Variants in BEND7 observed in about 807,000 individuals in gnomAD.
BEND7 encodes the protein BEN domain containing 7.
Under a neutral mutation model 50.9 loss-of-function variants are expected in BEND7, and 28 were observed. The ratio of observed to expected loss-of-function variants is 0.55; its 90% CI spans 0.41 to 0.75. The LOEUF is 0.75. Among genes scored for constraint, BEND7 ranks in the 30% least tolerant of loss-of-function variants. The pLI, the probability that BEND7 is intolerant of heterozygous loss-of-function variation, is 0.00. For synonymous variants in BEND7, 170 were observed against 183.9 expected, an observed-to-expected ratio of 0.92 and a Z score of 0.61; for missense variants, 477 against 491.3, an observed-to-expected ratio of 0.97 and a Z score of 0.28.
chr10:13,468,150 A>G (rs1424069549), intron 6 of BEND7, among the ~76,000 whole-genome samples: 3 of 152,184 alleles, frequency 2.0e-5, no homozygotes, highest in African/African-American at 7.2e-5. Context: ...CATCCTCCAT[A>G]GAAGTCATCA....
intron 2 of BEND7, among the ~76,000 whole-genome samples, chr10:13,523,084 TC>T (rs5783330): frequency 1.3e-5 from 2 of 152,330 alleles, no homozygotes; most frequent in African/African-American, 4.8e-5. Context: ...CCCTGTCCTA[TC>T]CATTTCTGTG....
intron 5 of BEND7, among the ~76,000 whole-genome samples, chr10:13,488,470 G>T (rs532805178): frequency 6.6e-6 from 1 of 151,954 alleles, no homozygotes; most frequent in Admixed American, 6.6e-5. Context: ...CATGAAGAAA[G>T]AATTAAATAC....
rs145734971 is a variant in BEND7, at chr10:13,512,062, C to T, written c.146-11982G>A. Among the ~76,000 whole-genome samples, 381 of 152,288 alleles carry T rather than the reference C, an allele frequency of 2.5e-3. 4 individuals carry two copies. The highest frequency in any genetic ancestry group is 8.8e-3 in the African/African-American group (367 of 41,560). On this transcript the variant is annotated intron_variant, in intron 2 of 8. Transcript: ENST00000466271. ...GGTGGAAACAAGGAAATCACTGGAC[C>T]AAACCATCTTTACAGATTCTGACTT...
chr10:13,509,957 G>A (rs1157086682), intron 2 of BEND7, among the ~76,000 whole-genome samples: 1 of 152,188 alleles, frequency 6.6e-6, no homozygotes, highest in East Asian at 1.9e-4. Context: ...TTACATTGTG[G>A]AAAGCAAAGT....
At chr10:13,511,366 G>C (rs1424683049) in intron 2 of BEND7, 1 of 152,110 alleles carries the variant, frequency 6.6e-6, no homozygotes, top group Non-Finnish European at 1.5e-5. Flanking sequence ...TTTAAAAAAT[G>C]GTTTCAAAAT....
intron 2 of BEND7, chr10:13,500,736 C>T (rs574740752): frequency 2.5e-4 from 250 of 985,544 alleles, no homozygotes; most frequent in South Asian, 5.2e-4. Context: ...GCATGGCAAG[C>T]GAGGGGGTTT....
At chr10:13,478,935 A>C (rs1276263259) in intron 6 of BEND7, among the ~76,000 whole-genome samples, 1 of 152,102 alleles carries the variant, frequency 6.6e-6, no homozygotes, top group African/African-American at 2.4e-5. Flanking sequence ...TTGGGAGCAA[A>C]GACCTCATTT....
intron 2 of BEND7, among the ~76,000 whole-genome samples, chr10:13,523,793 AATC>A: frequency 6.6e-6 from 1 of 152,330 alleles, no homozygotes; most frequent in South Asian, 2.1e-4. Flanking sequence ...TTGCTCCAGA[AATC>A]ATGTTGCTGT....
At chr10:13,458,140 A>G (rs905047246) in intron 6 of BEND7, among the ~76,000 whole-genome samples, 5 of 152,284 alleles carry the variant, frequency 3.3e-5, no homozygotes, top group Admixed American at 3.3e-4. Context: ...TGATCCGTCC[A>G]TGAATAATGA....
chr10:13,447,975 T>C (rs1372857908), intron 7 of BEND7, among the ~76,000 whole-genome samples: 1 of 152,080 alleles, frequency 6.6e-6, no homozygotes, highest in Non-Finnish European at 1.5e-5. Flanking sequence ...GAACCACTCC[T>C]GGGGGGCAGC....
intron 2 of BEND7, among the ~76,000 whole-genome samples, chr10:13,502,633 G>C: frequency 6.6e-6 from 1 of 152,198 alleles, no homozygotes; most frequent in South Asian, 2.1e-4. Flanking sequence ...ATTAATTTCA[G>C]CAACCAGACA....
At chr10:13,498,139 G>C (rs577721984) in intron 3 of BEND7, among the ~76,000 whole-genome samples, 1 of 137,864 alleles carries the variant, frequency 7.3e-6, no homozygotes, top group Non-Finnish European at 1.5e-5. Context: ...GCACTGGTAT[G>C]ATCTTGGTTC....
chr10:13,449,405 TG>T (rs1470649801), intron 7 of BEND7, among the ~76,000 whole-genome samples: 2 of 152,060 alleles, frequency 1.3e-5, no homozygotes, highest in Non-Finnish European at 2.9e-5. Context: ...CTCTACAAGG[TG>T]GGTCTGTTGC....
At chr10:13,507,038 T>C (rs1044118573) in intron 2 of BEND7, among the ~76,000 whole-genome samples, 1 of 152,032 alleles carries the variant, frequency 6.6e-6, no homozygotes, top group Non-Finnish European at 1.5e-5. Flanking sequence ...TGAAGCCATA[T>C]TTTGGTTTTA....
At chr10:13,504,186 C>T (rs1013344040) in intron 2 of BEND7, among the ~76,000 whole-genome samples, 3 of 152,060 alleles carry the variant, frequency 2.0e-5, no homozygotes, top group East Asian at 1.9e-4. Flanking sequence ...ATGAGCAGGC[C>T]GAGCCGTAGA....
At position 13,482,089 on chromosome 10, in the gene BEND7, T is replaced by C. The variant is rs758553677; in HGVS notation, c.838-965A>G. The stretch of plus-strand genomic sequence containing the variant: ...TCCTGCTGTTCATTTAGCAGACATA[T>C]GATTCTATTTCTTACACTGTATTAG... On this transcript the variant is annotated intron_variant, in intron 5 of 8. Coordinates refer to ENST00000466271, the MANE Select transcript of BEND7 (RefSeq NM_001369863.1). Among the ~76,000 whole-genome samples the C allele has an allele frequency of 2.6e-5, 4 of 152,230 alleles. No homozygotes were observed. In the East Asian group the frequency reaches 5.8e-4, roughly 22 times the overall value.
chr10:13,482,730 A>C (rs1425802701), intron 5 of BEND7, among the ~76,000 whole-genome samples: 2 of 152,226 alleles, frequency 1.3e-5, no homozygotes, highest in Non-Finnish European at 2.9e-5. Flanking sequence ...ATCACCATAC[A>C]CAGCTATACT....
intron 2 of BEND7, among the ~76,000 whole-genome samples, chr10:13,519,595 CA>C (rs1245346441): frequency 6.6e-6 from 1 of 152,090 alleles, no homozygotes; most frequent in African/African-American, 2.4e-5. Context: ...TTTTACCATA[CA>C]GGATTTCGCA....
intron 6 of BEND7, among the ~76,000 whole-genome samples, chr10:13,455,256 A>C (rs1252387491): frequency 6.6e-6 from 1 of 152,048 alleles, no homozygotes; most frequent in Admixed American, 6.6e-5. Context: ...TGGAAAGGGC[A>C]CAGGCTGGGT....
Sources: allele counts gnomAD v4.1 joint callset (sites outside exome capture counted in the v4.1 genomes callset), GRCh38; gene constraint gnomAD v4.1.1; transcripts MANE v1.5; gene names NCBI Gene and HGNC (gene_info 2026-07-23, HGNC 2026-07-21).